The following HDAC9 variants were observed in gnomAD, a reference collection of about 807,000 sequenced individuals.
HDAC9 encodes histone deacetylase 9.
In HDAC9, 41 loss-of-function variants were observed where a neutral mutation model predicts 139.4. That is an observed-to-expected ratio of 0.29 (90% CI 0.23 to 0.38). HDAC9 has a LOEUF of 0.38. Among genes scored for constraint, HDAC9 ranks in the 10% least tolerant of loss-of-function variants. The pLI, the probability that HDAC9 is intolerant of heterozygous loss-of-function variation, is 1.00. For missense variants in HDAC9, 1,147 were observed against 1,297.0 expected, an observed-to-expected ratio of 0.88 and a Z score of 1.78; for synonymous variants, 517 against 476.2, an observed-to-expected ratio of 1.09 and a Z score of -1.12.
At chr7:18,232,170 G>T (rs1270363464) in intron 2 of HDAC9, among the ~76,000 whole-genome samples, 1 of 152,106 alleles carries the variant, frequency 6.6e-6, no homozygotes, top group Non-Finnish European at 1.5e-5. Flanking sequence ...CCTAGCTGGG[G>T]TCGTCTCCCT....
At chr7:18,180,680 T>G (rs1789350703) in intron 2 of HDAC9, among the ~76,000 whole-genome samples, 1 of 152,220 alleles carries the variant, frequency 6.6e-6, no homozygotes. Flanking sequence ...AACAAGTTAC[T>G]TTATCTCTCT....
chr7:18,555,969 A>AT (rs1181098616), intron 2 of HDAC9, among the ~76,000 whole-genome samples: 4 of 151,832 alleles, frequency 2.6e-5, no homozygotes, highest in Admixed American at 6.6e-5. Context: ...TCTCACAGTG[A>AT]TTTTTTTCTA....
At chr7:18,581,373 C>G (rs1827777216) in intron 2 of HDAC9, among the ~76,000 whole-genome samples, 1 of 152,112 alleles carries the variant, frequency 6.6e-6, no homozygotes, top group Non-Finnish European at 1.5e-5. Context: ...TGATTAGTCT[C>G]TGAACAAAGG....
chr7:18,524,338 C>T (rs994623806), intron 2 of HDAC9, among the ~76,000 whole-genome samples: 1 of 152,106 alleles, frequency 6.6e-6, no homozygotes, highest in African/African-American at 2.4e-5. Context: ...CATAATTACT[C>T]CTCAGCTGTA....
rs183579073 is a variant in HDAC9, at chr7:18,759,484, A to G, written c.2044-2673A>G. Among the ~76,000 whole-genome samples the G allele has an allele frequency of 1.4e-3, 209 of 151,814 alleles. 1 individual carries two copies. The highest frequency in any genetic ancestry group is 4.8e-3 in the African/African-American group (198 of 41,406). ...GTCTGACGATCTGTCACTGTCTCCT[A>G]TCACCCCCAGAGGGGACCATCTAGT... On this transcript the variant is annotated intron_variant, in intron 14 of 25. Transcript: ENST00000686413.
chr7:18,714,497 G>A (rs1784563325), intron 12 of HDAC9, among the ~76,000 whole-genome samples: 1 of 152,070 alleles, frequency 6.6e-6, no homozygotes, highest in South Asian at 2.1e-4. Flanking sequence ...GCAGTCTTAT[G>A]GAGTCTTACG....
intron 21 of HDAC9, among the ~76,000 whole-genome samples, chr7:18,837,729 G>A (rs1419448361): frequency 6.6e-6 from 1 of 152,042 alleles, no homozygotes; most frequent in Non-Finnish European, 1.5e-5. Flanking sequence ...ATCACAAAGT[G>A]AGCGGTGGAT....
At chr7:18,849,857 C>T (rs528007613) in intron 21 of HDAC9, among the ~76,000 whole-genome samples, 14 of 152,084 alleles carry the variant, frequency 9.2e-5, no homozygotes, top group African/African-American at 2.2e-4. Context: ...GGACCCTATG[C>T]GTATCATGGT....
intron 6 of HDAC9, among the ~76,000 whole-genome samples, chr7:18,627,525 A>G (rs906747285): frequency 6.6e-6 from 1 of 152,222 alleles, no homozygotes; most frequent in Non-Finnish European, 1.5e-5. Flanking sequence ...ACATGAAAAC[A>G]TATCTAAGTA....
intron 2 of HDAC9, among the ~76,000 whole-genome samples, chr7:18,270,074 C>T (rs115644026): frequency 2.0e-5 from 3 of 152,088 alleles, no homozygotes; most frequent in African/African-American, 7.2e-5. Context: ...CTGGCACACT[C>T]AGCCCACATT....
At chr7:18,096,574 A>G (rs1365666394) in intron 1 of HDAC9, among the ~76,000 whole-genome samples, 1 of 152,246 alleles carries the variant, frequency 6.6e-6, no homozygotes, top group African/African-American at 2.4e-5. Flanking sequence ...TTAATTGGCC[A>G]CTTAAAACAT....
chr7:18,192,126 G>A (rs944073760), intron 2 of HDAC9, among the ~76,000 whole-genome samples: 2 of 152,178 alleles, frequency 1.3e-5, no homozygotes, highest in Admixed American at 1.3e-4. Context: ...CCGGGGGGCG[G>A]GGGGGTGTCA....
chr7:18,718,062 CCAGAGT>C (rs754045676), intron 12 of HDAC9, among the ~76,000 whole-genome samples: 124 of 152,144 alleles, frequency 8.2e-4, no homozygotes, highest in Admixed American at 1.6e-3. Context: ...GCAACCATCA[CCAGAGT>C]CAATGTTAGA....
At chr7:18,964,443 T>A (rs536901196) in intron 24 of HDAC9, among the ~76,000 whole-genome samples, 1 of 152,218 alleles carries the variant, frequency 6.6e-6, no homozygotes, top group Non-Finnish European at 1.5e-5. Flanking sequence ...TAGAGCATGA[T>A]CATTTGATTA....
intron 17 of HDAC9, among the ~76,000 whole-genome samples, chr7:18,800,473 A>G (rs1407345160): frequency 6.6e-6 from 1 of 152,150 alleles, no homozygotes; most frequent in Non-Finnish European, 1.5e-5. Flanking sequence ...GATTGAGTCT[A>G]TTTGTTTCTG....
intron 7 of HDAC9, among the ~76,000 whole-genome samples, chr7:18,630,265 G>T (rs182863586): frequency 6.6e-6 from 1 of 152,030 alleles, no homozygotes; most frequent in African/African-American, 2.4e-5. Flanking sequence ...TTGGTTGCAT[G>T]AAGAAAGAAG....
chr7:18,328,769 A>G (rs1018808783), intron 1 of HDAC9, among the ~76,000 whole-genome samples: 1 of 151,722 alleles, frequency 6.6e-6, no homozygotes, highest in Non-Finnish European at 1.5e-5. Context: ...TTTATTTATT[A>G]TTCTTGTAGT....
intron 1 of HDAC9, among the ~76,000 whole-genome samples, chr7:18,120,385 G>C (rs1039300919): frequency 5.3e-5 from 8 of 152,286 alleles, no homozygotes; most frequent in Non-Finnish European, 1.5e-5. Context: ...TGTAGCTGAG[G>C]TTCAAAAGGG....
At chr7:18,299,916 G>T (rs1175043084) in intron 1 of HDAC9, among the ~76,000 whole-genome samples, 1 of 152,120 alleles carries the variant, frequency 6.6e-6, no homozygotes, top group Non-Finnish European at 1.5e-5. Context: ...AATTTTGAAG[G>T]CTTCTCAAGA....
Sources: gnomAD v4.1 joint callset for allele counts (sites outside exome capture counted in the v4.1 genomes callset) on GRCh38, gnomAD v4.1.1 for gene constraint, MANE v1.5 for transcripts, NCBI Gene and HGNC (gene_info 2026-07-23, HGNC 2026-07-21) for gene names.